Variants in ELMO1 observed in about 807,000 individuals in gnomAD.
ELMO1 encodes the protein engulfment and cell motility protein 1.
Under a neutral mutation model 98.9 loss-of-function variants are expected in ELMO1, and 26 were observed. The observed-to-expected ratio is 0.26, with a 90% confidence interval of 0.19 to 0.36. ELMO1 has a LOEUF of 0.36. Ranked by LOEUF, ELMO1 falls within the 10% of genes least tolerant of loss-of-function variation. The probability of loss-of-function intolerance (pLI) is 1.00; values close to 1 mark genes in which losing one functional copy is unlikely to be tolerated. For synonymous variants in ELMO1, 346 were observed against 346.0 expected, an observed-to-expected ratio of 1.00 and a Z score of 0.00; for missense variants, 627 against 935.2, an observed-to-expected ratio of 0.67 and a Z score of 4.30.
intron 15 of ELMO1, among the ~76,000 whole-genome samples, chr7:37,087,776 A>C (rs1245325879): frequency 1.3e-5 from 2 of 152,096 alleles, no homozygotes; most frequent in Non-Finnish European, 2.9e-5. Flanking sequence ...TATTATCTTC[A>C]AGGTTTCCTA....
rs867979076 is a variant in ELMO1, at chr7:37,194,686, C to T, written c.1086+16700G>A. On this transcript the variant is annotated intron_variant, in intron 13 of 21. Transcript: ENST00000310758. Reference sequence around the variant, plus strand: ...CTTTCCACTCCTTGTTGGTCACCCACGCTCCTCCTCCTCCCCAGCTCACTC... The same window carrying T: ...CTTTCCACTCCTTGTTGGTCACCCATGCTCCTCCTCCTCCCCAGCTCACTC... 4.6e-5 allele frequency among the ~76,000 whole-genome samples: 7 copies of T among 152,184 alleles called. No homozygotes were observed. In the South Asian group the frequency reaches 1.0e-3, roughly 22 times the overall value.
chr7:37,228,384 C>T (rs1047409476), intron 8 of ELMO1, among the ~76,000 whole-genome samples: 3 of 152,150 alleles, frequency 2.0e-5, no homozygotes, highest in Non-Finnish European at 4.4e-5. Flanking sequence ...AATAATGATT[C>T]CCTCTGCCTT....
At chr7:36,862,242 G>A (rs1802696976) in intron 20 of ELMO1, 1 of 163,204 alleles carries the variant, frequency 6.1e-6, no homozygotes, top group South Asian at 1.6e-4. Context: ...CTAAAATGTG[G>A]ACGCTATGCC....
chr7:37,105,002 T>C (rs769746966), intron 14 of ELMO1, among the ~76,000 whole-genome samples: 1 of 152,130 alleles, frequency 6.6e-6, no homozygotes, highest in Admixed American at 6.5e-5. Flanking sequence ...ATAAAGGCCA[T>C]AAATATAAAA....
chr7:37,418,607 C>T (rs891137896), intron 1 of ELMO1, among the ~76,000 whole-genome samples: 5 of 152,194 alleles, frequency 3.3e-5, no homozygotes, highest in African/African-American at 1.2e-4. Context: ...GCCAGTGCAA[C>T]TCTGTATCTG....
chr7:37,047,210 T>G (rs540904310), intron 15 of ELMO1, among the ~76,000 whole-genome samples: 3 of 152,366 alleles, frequency 2.0e-5, no homozygotes, highest in African/African-American at 2.4e-5. Flanking sequence ...GTTTGTTGAA[T>G]ACAAATGACC....
chr7:37,104,010 CAAAA>C (rs35979251), intron 14 of ELMO1, among the ~76,000 whole-genome samples: 363 of 28,850 alleles, frequency 0.013, no homozygotes, highest in Middle Eastern at 0.036. Flanking sequence ...GACTCCATCT[CAAAA>C]AAAAAAAAAA....
Position 37,342,676 on chromosome 7 carries a change from C to G in ELMO1, c.15G>C (p.Ala5=). MPPP[A]DIVKVAIEWP... is the part of the protein sequence containing the mutation. ...ATTCTATGGCCACCTTGACGATGTC[C>G]GCGGGTGGCGGCATTGTAAGTCCCC... The change falls in exon 2 of 22, where the codon GCG becomes GCC. Residue 5 remains alanine, a synonymous_variant. Coordinates refer to ENST00000310758, the MANE Select transcript of ELMO1 (RefSeq NM_014800.11). The surrounding 1 kb of genome is among the most constrained non-coding windows in gnomAD (Gnocchi z 4.3). The G allele has an allele frequency of 6.2e-7, 1 of 1,610,610 alleles. No individual in the cohort carries two copies. Among genetic ancestry groups the G allele is most frequent in the Non-Finnish European group, 8.5e-7 (1 of 1,178,920 alleles).
intron 14 of ELMO1, among the ~76,000 whole-genome samples, chr7:37,109,011 G>A (rs1235834241): frequency 6.6e-6 from 1 of 152,154 alleles, no homozygotes; most frequent in Non-Finnish European, 1.5e-5. Context: ...AGAAGCAAGG[G>A]TTTATGTGAT....
chr7:36,918,784 ATACAGTATGG>A (rs1784908671), intron 16 of ELMO1, among the ~76,000 whole-genome samples: 1 of 152,258 alleles, frequency 6.6e-6, no homozygotes, highest in Non-Finnish European at 1.5e-5. Context: ...TGATTAGTGT[ATACAGTATGG>A]TACCCCATCT....
At chr7:36,962,479 C>T (rs1789037026) in intron 16 of ELMO1, among the ~76,000 whole-genome samples, 1 of 152,032 alleles carries the variant, frequency 6.6e-6, no homozygotes, top group African/African-American at 2.4e-5. Flanking sequence ...GACCCTGGGT[C>T]ACTACAGAAA....
rs1802905472 is a variant in ELMO1, at chr7:36,864,819, G to A, written c.1906-3083C>T. ...GCTCTTTTATTCCTCTGGATTTAGTGCAGTGAAAAATTACATCTAGAAGCA... is the reference window on the plus strand; with the variant it reads ...GCTCTTTTATTCCTCTGGATTTAGTACAGTGAAAAATTACATCTAGAAGCA... On this transcript the variant is annotated intron_variant, in intron 20 of 21. Transcript: ENST00000310758. Among the ~76,000 whole-genome samples the A allele has an allele frequency of 2.0e-5, 3 of 152,294 alleles. No individual in the cohort carries two copies. In the South Asian group the frequency reaches 6.2e-4, roughly 32 times the overall value.
chr7:37,067,213 A>T (rs925039633), intron 15 of ELMO1, among the ~76,000 whole-genome samples: 1 of 152,202 alleles, frequency 6.6e-6, no homozygotes, highest in Non-Finnish European at 1.5e-5. Context: ...CCAAGCATTC[A>T]TCTACAGACA....
chr7:37,316,067 A>G (rs374834166), intron 2 of ELMO1, 107 bp from the exon 3 acceptor site: 6 of 920,994 alleles, frequency 6.5e-6, no homozygotes, highest in Non-Finnish European at 1.0e-5. Flanking sequence ...GAGAATTTAC[A>G]TTTGCTATTC....
intron 1 of ELMO1, among the ~76,000 whole-genome samples, chr7:37,378,584 G>A (rs529424645): frequency 7.9e-5 from 12 of 151,128 alleles, no homozygotes; most frequent in Non-Finnish European, 1.3e-4. Flanking sequence ...TCCTACTGCC[G>A]TGGTATAAAC....
At chr7:37,203,857 C>T (rs1441360389) in intron 13 of ELMO1, among the ~76,000 whole-genome samples, 3 of 152,086 alleles carry the variant, frequency 2.0e-5, no homozygotes, top group African/African-American at 7.2e-5. Flanking sequence ...TGGCTTTCCT[C>T]TCTGTCGACC....
chr7:37,121,087 A>G (rs563220560), intron 14 of ELMO1, among the ~76,000 whole-genome samples: 1 of 152,338 alleles, frequency 6.6e-6, no homozygotes, highest in East Asian at 1.9e-4. Flanking sequence ...AGGAAAACTA[A>G]CAAACAGAAA....
intron 5 of ELMO1, among the ~76,000 whole-genome samples, chr7:37,262,948 G>A (rs781061364): frequency 5.3e-5 from 8 of 152,166 alleles, no homozygotes; most frequent in Non-Finnish European, 1.2e-4. Flanking sequence ...TCTCAGCTGG[G>A]CAGTAACCCT....
At chr7:37,358,651 T>C (rs1801584894) in intron 1 of ELMO1, among the ~76,000 whole-genome samples, 2 of 152,174 alleles carry the variant, frequency 1.3e-5, no homozygotes, top group African/African-American at 4.8e-5. Context: ...TTTCTCAGCC[T>C]TTCAAATCTT....
Sources: allele counts gnomAD v4.1 joint callset (sites outside exome capture counted in the v4.1 genomes callset), GRCh38; gene constraint gnomAD v4.1.1; non-coding constraint Gnocchi (gnomAD v3.1); transcripts MANE v1.5; gene names NCBI Gene and HGNC (gene_info 2026-07-23, HGNC 2026-07-21).